Variants in BIK observed in about 807,000 individuals in gnomAD.
BIK encodes BCL2 interacting killer, also known as bcl-2-interacting killer.
In BIK, 14 loss-of-function variants were observed where a neutral mutation model predicts 12.1. That is an observed-to-expected ratio of 1.16 (90% confidence interval 0.77 to 1.81). The LOEUF is 1.81. BIK is among the 40% of genes most tolerant of loss of function. The pLI, the probability that BIK is intolerant of heterozygous loss-of-function variation, is 0.00. For missense variants in BIK, 215 were observed against 207.9 expected, an observed-to-expected ratio of 1.03 and a Z score of -0.21; for synonymous variants, 86 against 92.3, an observed-to-expected ratio of 0.93 and a Z score of 0.39.
chr22:43,116,967 C>T (rs1930126806), intron 1 of BIK, among the ~76,000 whole-genome samples: 1 of 152,154 alleles, frequency 6.6e-6, no homozygotes, highest in South Asian at 2.1e-4. Context: ...TTGGGCCTCT[C>T]ACAGGGGAAT....
At chr22:43,120,979 A>G (rs1217690092) in intron 1 of BIK, among the ~76,000 whole-genome samples, 9 of 152,190 alleles carry the variant, frequency 5.9e-5, no homozygotes, top group Non-Finnish European at 5.9e-5. Flanking sequence ...AGTTGAGACC[A>G]GCCTGGCCAA....
intron 1 of BIK, among the ~76,000 whole-genome samples, chr22:43,115,553 C>T (rs996737610): frequency 9.9e-5 from 15 of 152,128 alleles, no homozygotes; most frequent in Non-Finnish European, 2.9e-5. Context: ...ACCTCCACCT[C>T]CTGGGTTCAA....
At chr22:43,114,000 G>A (rs995683561) in intron 1 of BIK, among the ~76,000 whole-genome samples, 1 of 152,168 alleles carries the variant, frequency 6.6e-6, no homozygotes, top group Non-Finnish European at 1.5e-5. Context: ...TGGGCCCTGG[G>A]AGAAACATAG....
intron 1 of BIK, among the ~76,000 whole-genome samples, chr22:43,115,411 C>T (rs1214439593): frequency 2.0e-5 from 3 of 152,044 alleles, no homozygotes; most frequent in African/African-American, 4.8e-5. Flanking sequence ...GCCTCAGGGT[C>T]GGGGCCAGGG....
rs1480658291 is a variant in BIK at position 43,129,207 on chromosome 22, C to T, written c.391-6C>T. 1.9e-6 allele frequency: 3 copies of T among 1,604,258 alleles called. No homozygotes were observed. The highest frequency in any genetic ancestry group is 3.3e-5 in the Admixed American group (2 of 60,020). On this transcript the variant is annotated splice_polypyrimidine_tract_variant and splice_region_variant and intron_variant, in intron 4 of 4. Coordinates refer to ENST00000216115, the MANE Select transcript of BIK (RefSeq NM_001197.5). ...CGAGCCTGACTCCTCTGCTTTGCTC[C>T]CACAGGTGTCCTGCGAACAGGTGCT...
chr22:43,125,359 A>G (rs191488016), intron 2 of BIK, among the ~76,000 whole-genome samples: 160 of 152,288 alleles, frequency 1.1e-3, no homozygotes, highest in Admixed American at 2.7e-3. Context: ...CCCAGCCCCT[A>G]ATCAAGATGG....
At chr22:43,123,946 CA>C in intron 1 of BIK, 69 bp from the exon 2 acceptor site, 1 of 1,514,506 alleles carries the variant, frequency 6.6e-7, no homozygotes, top group East Asian at 2.3e-5. Context: ...ATCTGGGGGT[CA>C]TCCTGTGAGA....
chr22:43,118,568 T>G (rs748492731), intron 1 of BIK, among the ~76,000 whole-genome samples: 6 of 152,236 alleles, frequency 3.9e-5, no homozygotes, highest in Middle Eastern at 3.4e-3. Context: ...TCCAAGGGCT[T>G]TGTGCCACCC....
In BIK at chr22:43,129,221, C is replaced by A; in HGVS notation, c.399C>A (p.Cys133Ter). 1 of 1,604,638 alleles carries A rather than the reference C, an allele frequency of 6.2e-7. No individual in the cohort carries two copies. Among genetic ancestry groups the A allele is most frequent in the Non-Finnish European group, 8.5e-7 (1 of 1,179,816 alleles). ...CTGCTTTGCTCCCACAGGTGTCCTGCGAACAGGTGCTGCTGGCGCTGCTGC... is the reference window on the plus strand; with the variant it reads ...CTGCTTTGCTCCCACAGGTGTCCTGAGAACAGGTGCTGCTGGCGCTGCTGC... ...RSPNPGSWVS[C>*]EQVLLALLLL... The change falls in exon 5 of 5, where the codon TGC (cysteine) becomes TGA (stop). Residue 133 changes from cysteine (C) to a stop codon, truncating the protein, a stop_gained. Coordinates refer to ENST00000216115, the MANE Select transcript of BIK (RefSeq NM_001197.5). LOFTEE classifies it low-confidence loss of function (END_TRUNC).
At chr22:43,118,602 C>T (rs1930162550) in intron 1 of BIK, among the ~76,000 whole-genome samples, 2 of 152,154 alleles carry the variant, frequency 1.3e-5, no homozygotes. Flanking sequence ...CAGGGCCAGG[C>T]TGTGACTGGG....
intron 1 of BIK, among the ~76,000 whole-genome samples, chr22:43,113,457 C>T (rs564793933): frequency 2.6e-4 from 40 of 151,998 alleles, no homozygotes; most frequent in Admixed American, 1.5e-3. Flanking sequence ...GAGGCTAAGG[C>T]GGGAGAATTG....
chr22:43,122,275 T>G (rs988172179), intron 1 of BIK, among the ~76,000 whole-genome samples: 1 of 152,130 alleles, frequency 6.6e-6, no homozygotes, highest in African/African-American at 2.4e-5. Flanking sequence ...CATGAGGAAT[T>G]AAAAATTAAG....
intron 2 of BIK, 27 bp downstream of exon 2, chr22:43,124,210 C>G (rs1026104680): frequency 5.6e-6 from 9 of 1,610,910 alleles, no homozygotes; most frequent in Admixed American, 1.7e-5. Flanking sequence ...TGCCCTACCC[C>G]CTGCCTGATA....
At position 43,128,098 on chromosome 22, in the gene BIK, G is replaced by C. The variant is rs1420541463; in HGVS notation, c.260+303G>C. Among the ~76,000 whole-genome samples the C allele has an allele frequency of 3.3e-5, 5 of 152,168 alleles. No homozygotes were observed. The East Asian group carries it at 9.7e-4, about 29-fold the overall frequency. ...GTACATTTCCACCGTGGTCTTAAGA[G>C]GGGGTGCTACGTGAGCTCGGATCCT... is the stretch of plus-strand genomic sequence containing the variant. On this transcript the variant is annotated intron_variant, in intron 3 of 4. Transcript: ENST00000216115.
At chr22:43,112,044 C>CTCTGCAAAATGTATCCCTGAGGTT (rs1393663574) in intron 1 of BIK, among the ~76,000 whole-genome samples, 1 of 152,218 alleles carries the variant, frequency 6.6e-6, no homozygotes, top group African/African-American at 2.4e-5. Context: ...GTTCTGTTCA[C>CTCTGCAAAATGTATCCCTGAGGTT]TCTGCAAAAT....
At chr22:43,124,287 C>A in intron 2 of BIK, 104 bp downstream of exon 2, 3 of 1,337,138 alleles carry the variant, frequency 2.2e-6, no homozygotes, top group Non-Finnish European at 3.1e-6. Flanking sequence ...AGATGCCTCC[C>A]AGGCAGGGCC....
Position 43,124,113 on chromosome 22 carries a change from G to A in BIK, c.91G>A (p.Gly31Ser). Reference protein sequence around the residue: ...LLEPPTMEVLGMTDSEEDLDP... With the variant: ...LLEPPTMEVLSMTDSEEDLDP... ...GGAACCCCCGACCATGGAGGTTCTTGGCATGACTGACTCTGAAGAGGACCT... is the reference window on the plus strand; with the variant it reads ...GGAACCCCCGACCATGGAGGTTCTTAGCATGACTGACTCTGAAGAGGACCT... Residue 31 changes from glycine (G) to serine (S), a missense_variant, in exon 2 of 5, where the codon GGC becomes AGC. Physicochemically the swap from Gly to Ser is moderately conservative, Grantham distance 56. Coordinates refer to ENST00000216115, the MANE Select transcript of BIK (RefSeq NM_001197.5). The A allele has an allele frequency of 6.2e-7, 1 of 1,614,152 alleles. No homozygotes were observed. The highest frequency in any genetic ancestry group is 8.5e-7 in the Non-Finnish European group (1 of 1,180,020).
chr22:43,124,596 CAAGA>C (rs1400991844), intron 2 of BIK, among the ~76,000 whole-genome samples: 1 of 152,160 alleles, frequency 6.6e-6, no homozygotes, highest in Non-Finnish European at 1.5e-5. Flanking sequence ...AGATCTCAAG[CAAGA>C]AAGAATTTGG....
At chr22:43,115,089 C>T (rs975256802) in intron 1 of BIK, among the ~76,000 whole-genome samples, 2 of 152,216 alleles carry the variant, frequency 1.3e-5, no homozygotes, top group African/African-American at 4.8e-5. Flanking sequence ...AGGTTCCCGA[C>T]TGGCTGGGGC....
Sources: gnomAD v4.1 joint callset for allele counts (sites outside exome capture counted in the v4.1 genomes callset) on GRCh38, gnomAD v4.1.1 for gene constraint, MANE v1.5 for transcripts, NCBI Gene and HGNC (gene_info 2026-07-23, HGNC 2026-07-21) for gene names.